The following AFF3 variants were observed in gnomAD, a reference collection of about 807,000 sequenced individuals.
AFF3 encodes the protein AF4/FMR2 family member 3.
Under a neutral mutation model 129.7 loss-of-function variants are expected in AFF3, and 32 were observed. The ratio of observed to expected loss-of-function variants is 0.25; its 90% CI spans 0.19 to 0.33. AFF3 has a LOEUF of 0.33. Among genes scored for constraint, AFF3 ranks in the 10% least tolerant of loss-of-function variants. The probability of loss-of-function intolerance (pLI) is 1.00; values close to 1 mark genes in which losing one functional copy is unlikely to be tolerated. For missense variants in AFF3, 1,373 were observed against 1,592.0 expected (o/e 0.86, Z 2.34); for synonymous variants, 644 against 635.4 (o/e 1.01, Z -0.20).
chr2:99,872,906 T>G (rs962782664), intron 7 of AFF3, among the ~76,000 whole-genome samples: 2 of 152,218 alleles, frequency 1.3e-5, no homozygotes, highest in Admixed American at 6.5e-5. Context: ...AGTTCTAATT[T>G]TTGCTTAAAA....
At chr2:99,712,925 A>G (rs528176797) in intron 11 of AFF3, among the ~76,000 whole-genome samples, 63 of 152,350 alleles carry the variant, frequency 4.1e-4, no homozygotes, top group African/African-American at 1.4e-3. Flanking sequence ...GAAAATTCTG[A>G]CACATGCTGC....
chr2:99,567,134 A>ATTTTTTTTT (rs35594854), intron 19 of AFF3, among the ~76,000 whole-genome samples: 1 of 130,026 alleles, frequency 7.7e-6, no homozygotes. Flanking sequence ...CACCTGGCTC[A>ATTTTTTTTT]TTTTTTTTTT....
At chr2:99,912,734 T>C (rs1695186784) in intron 7 of AFF3, among the ~76,000 whole-genome samples, 1 of 152,190 alleles carries the variant, frequency 6.6e-6, no homozygotes, top group South Asian at 2.1e-4. Context: ...AATTCTTAGC[T>C]TACTGTTTCT....
intron 4 of AFF3, among the ~76,000 whole-genome samples, chr2:100,016,014 TGTGGTA>T (rs1445264589): frequency 4.1e-5 from 6 of 145,692 alleles, no homozygotes; most frequent in East Asian, 3.9e-4. Flanking sequence ...GTGAAGGTGT[TGTGGTA>T]GTGGTGGTGG....
chr2:99,831,209 GT>G (rs541712228), intron 8 of AFF3, among the ~76,000 whole-genome samples: 149 of 152,292 alleles, frequency 9.8e-4, no homozygotes, highest in African/African-American at 3.4e-3. Flanking sequence ...ATGAAATGAT[GT>G]TATTTGAGCA....
chr2:99,765,038 A>G (rs1307014182), intron 8 of AFF3, among the ~76,000 whole-genome samples: 1 of 152,158 alleles, frequency 6.6e-6, no homozygotes, highest in African/African-American at 2.4e-5. Context: ...TGTTAACTCG[A>G]GGTTTATAAA....
chr2:100,137,348 C>T (rs1692677305), intron 1 of AFF3, among the ~76,000 whole-genome samples: 1 of 152,188 alleles, frequency 6.6e-6, no homozygotes, highest in Non-Finnish European at 1.5e-5. Context: ...TTTGTTAACC[C>T]ATGAGTCAGA....
intron 8 of AFF3, among the ~76,000 whole-genome samples, chr2:99,836,048 A>C (rs1446046860): frequency 1.3e-5 from 2 of 152,224 alleles, no homozygotes; most frequent in African/African-American, 4.8e-5. Context: ...GAATTACTCA[A>C]GTCTTTATTC....
chr2:99,731,289 T>C (rs556472612), intron 10 of AFF3, among the ~76,000 whole-genome samples: 2 of 152,292 alleles, frequency 1.3e-5, no homozygotes, highest in Admixed American at 6.5e-5. Flanking sequence ...GTACCAACTT[T>C]AGACAGTGCC....
At chr2:99,928,507 C>A (rs964494799) in intron 7 of AFF3, among the ~76,000 whole-genome samples, 15 of 152,118 alleles carry the variant, frequency 9.9e-5, no homozygotes, top group Admixed American at 8.5e-4. Context: ...ATAACTAGAA[C>A]AAGTTGTTGT....
At chr2:100,063,206 G>A (rs936143204) in intron 4 of AFF3, among the ~76,000 whole-genome samples, 5 of 140,484 alleles carry the variant, frequency 3.6e-5, no homozygotes, top group African/African-American at 1.1e-4. Context: ...AGCCAAGATC[G>A]CGCCACTGCA....
At chr2:99,766,871 T>C (rs754816531) in intron 8 of AFF3, among the ~76,000 whole-genome samples, 5 of 152,232 alleles carry the variant, frequency 3.3e-5, no homozygotes, top group African/African-American at 7.2e-5. Context: ...TAAATGTGTC[T>C]TTAAAGAGGG....
intron 4 of AFF3, among the ~76,000 whole-genome samples, chr2:100,026,139 C>T (rs975652434): frequency 6.6e-6 from 1 of 152,160 alleles, no homozygotes; most frequent in Non-Finnish European, 1.5e-5. Context: ...AAAATCTTCA[C>T]AGTCTATACA....
intron 13 of AFF3, among the ~76,000 whole-genome samples, chr2:99,614,586 T>C (rs1027652496): frequency 7.2e-5 from 11 of 152,248 alleles, no homozygotes; most frequent in African/African-American, 2.7e-4. Context: ...CCATTAGTTC[T>C]TAACCAGGTG....
intron 2 of AFF3, among the ~76,000 whole-genome samples, chr2:100,122,031 C>G (rs184111728): frequency 1.3e-5 from 2 of 152,076 alleles, no homozygotes. Flanking sequence ...CACTGCAGTC[C>G]GCAGTCCGGC....
chr2:100,119,743 G>A (rs1307935442), intron 2 of AFF3, among the ~76,000 whole-genome samples: 1 of 152,182 alleles, frequency 6.6e-6, no homozygotes, highest in Non-Finnish European at 1.5e-5. Context: ...TATTTAATCT[G>A]AGGCCTCAAG....
intron 20 of AFF3, 89 bp from the exon 21 acceptor site, chr2:99,560,525 T>C: frequency 1.6e-6 from 2 of 1,220,532 alleles, no homozygotes; most frequent in East Asian, 4.7e-5. Context: ...AGAACTTCTA[T>C]GATGGTAGTT....
At chr2:99,775,473 C>T (rs1683822530) in intron 8 of AFF3, among the ~76,000 whole-genome samples, 1 of 152,132 alleles carries the variant, frequency 6.6e-6, no homozygotes, top group Non-Finnish European at 1.5e-5. Context: ...CCAAATACTG[C>T]ATGTTCTCAC....
chr2:99,790,270 G>C (rs17023131), intron 8 of AFF3, among the ~76,000 whole-genome samples: 38,489 of 152,126 alleles, frequency 0.25, 5,061 homozygotes, highest in East Asian at 0.41. Context: ...TAGGAACTGG[G>C]CTAACGTGGT....
Sources: allele counts gnomAD v4.1 joint callset (sites outside exome capture counted in the v4.1 genomes callset), GRCh38; gene constraint gnomAD v4.1.1; transcripts MANE v1.5; gene names NCBI Gene and HGNC (gene_info 2026-07-23, HGNC 2026-07-21).